The following NUP214 variants were observed in gnomAD, a reference collection of about 807,000 sequenced individuals.
NUP214 encodes the protein nucleoporin 214, also known as nuclear pore complex protein Nup214.
In NUP214, 79 loss-of-function variants were observed where a neutral mutation model predicts 196.2. The ratio of observed to expected loss-of-function variants is 0.40; its 90% CI spans 0.34 to 0.49. NUP214 has a LOEUF of 0.49. Among genes scored for constraint, NUP214 ranks in the 20% least tolerant of loss-of-function variants. NUP214 has a pLI of 0.58. For synonymous variants in NUP214, 1,020 were observed against 990.5 expected (o/e 1.03, Z -0.56); for missense variants, 2,468 against 2,539.0 (o/e 0.97, Z 0.60).
At chr9:131,230,491 G>C (rs1834843811) in intron 33 of NUP214, 139 bp from the exon 34 acceptor site, 7 of 956,478 alleles carry the variant, frequency 7.3e-6, no homozygotes, top group African/African-American at 3.3e-5. Flanking sequence ...TCTCTGAAAG[G>C]CTGCTAGTTA....
rs1161254325 is a variant in NUP214 at position 131,228,216 on chromosome 9, G to A, written c.5959G>A (p.Gly1987Arg). The A allele has an allele frequency of 1.9e-6, 3 of 1,604,668 alleles. No homozygotes were observed. In the South Asian group the frequency reaches 3.3e-5, roughly 18 times the overall value. ...CCCTCCTACTTTTGGGGGATCCCCT[G>A]GGTTTGGAGGGGTGCCAGCATTCGG... Reference protein sequence around the residue: ...GSPPTFGGSPGFGGVPAFGSA... With the variant: ...GSPPTFGGSPRFGGVPAFGSA... The change falls in exon 33 of 36, where the codon GGG (glycine) becomes AGG (arginine). Residue 1987 changes from glycine (G) to arginine (R), a missense_variant. Gly to Arg is a moderately radical substitution (Grantham distance 125). Coordinates refer to ENST00000359428, the MANE Select transcript of NUP214 (RefSeq NM_005085.4).
intron 30 of NUP214, among the ~76,000 whole-genome samples, chr9:131,213,330 C>G (rs955104615): frequency 6.6e-6 from 1 of 152,122 alleles, no homozygotes; most frequent in Non-Finnish European, 1.5e-5. Context: ...AATGCACCAC[C>G]ACGCCCAGCT....
At chr9:131,230,450 A>T in intron 33 of NUP214, 180 bp from the exon 34 acceptor site, 1 of 634,264 alleles carries the variant, frequency 1.6e-6, no homozygotes, top group South Asian at 2.0e-5. Flanking sequence ...TAGAGCAGAG[A>T]TAAAAGTTGG....
At chr9:131,130,644 A>G in intron 4 of NUP214, 122 bp from the exon 5 acceptor site, 2 of 884,542 alleles carry the variant, frequency 2.3e-6, no homozygotes, top group Non-Finnish European at 3.6e-6. Flanking sequence ...CCTGATAGAG[A>G]TGATCCTACA....
chr9:131,198,714 A>T lies in NUP214; in HGVS notation c.5220A>T (p.Ala1740=). ...TTGGGCAGTCGGCGAGCAGTGCTGCAAGTGTCTTTTCCTTCAGTCAGCCTG... is the reference window on the plus strand; with the variant it reads ...TTGGGCAGTCGGCGAGCAGTGCTGCTAGTGTCTTTTCCTTCAGTCAGCCTG... The part of the protein sequence containing the change: ...SVFGQSASSA[A]SVFSFSQPGF... The change falls in exon 29 of 36, where the codon GCA becomes GCT. Residue 1740 remains alanine (A), a synonymous_variant. Transcript: ENST00000359428. 6.2e-7 allele frequency: 1 copy of T among 1,614,166 alleles called. No individual in the cohort carries two copies. Among genetic ancestry groups the T allele is most frequent in the South Asian group, 1.1e-5 (1 of 91,086 alleles).
At position 131,174,084 on chromosome 9, in the gene NUP214, C is replaced by G. The variant is rs2130999273; in HGVS notation, c.2923C>G (p.Gln975Glu). 1 of 1,613,422 alleles carries G rather than the reference C, an allele frequency of 6.2e-7. No individual in the cohort carries two copies. The highest frequency in any genetic ancestry group is 1.3e-5 in the African/African-American group (1 of 74,954). Residue 975 changes from glutamine to glutamate, a missense_variant, in exon 22 of 36, where the codon CAG becomes GAG. Gln to Glu is a conservative substitution (Grantham distance 29, BLOSUM62 2). This residue lies in a region of NUP214 where 1,801 missense variants were observed against 1,779.4 expected (regional missense o/e 1.01). Coordinates refer to ENST00000359428, the MANE Select transcript of NUP214 (RefSeq NM_005085.4). ...CCTGTCTCGATCAGCCTTTCTGTCT[C>G]AGAGATATTATGAAGACTTGGATGA... ...ASLSRSAFLS[Q>E]RYYEDLDEVS...
chr9:131,201,575 A>G lies in NUP214; in HGVS notation c.5522-72A>G, dbSNP rs904004858. ...CGAGACTCTGCCTCAAAAAAAAAAA[A>G]CAACAAAACTTTAATGTTGTAAAAG... On this transcript the variant is annotated intron_variant, in intron 29 of 35. Transcript: ENST00000359428. 5.5e-6 allele frequency: 7 copies of G among 1,282,872 alleles called. No individual in the cohort carries two copies. The African/African-American group carries it at 1.1e-4, about 19-fold the overall frequency. 79.5% of individuals were successfully genotyped at this position (1,282,872 alleles called of 1,614,324 possible).
Position 131,228,367 on chromosome 9 carries a change from C to T in NUP214, c.6074+36C>T, listed in dbSNP as rs368907628. ...TGGGGAGGGCCCTTGGGAACCCACA[C>T]GCCAGCCAAAAAGCACTAGGGGCCT... On this transcript the variant is annotated intron_variant, in intron 33 of 35. Coordinates refer to ENST00000359428, the MANE Select transcript of NUP214 (RefSeq NM_005085.4). The T allele has an allele frequency of 7.8e-5, 121 of 1,548,262 alleles. No homozygotes were observed. In the African/African-American group the frequency reaches 1.4e-3, roughly 18 times the overall value.
chr9:131,141,888 T>C (rs1215029064), intron 11 of NUP214: 1 of 152,242 alleles, frequency 6.6e-6, no homozygotes, highest in East Asian at 1.9e-4. Flanking sequence ...TTTTCTTCTA[T>C]TATGACCAGT....
At position 131,219,142 on chromosome 9, in the gene NUP214, G is replaced by A. The variant is rs542238133; in HGVS notation, c.5750-3636G>A. ...GCTGTGTGCCAGAAGCTCAATGCAC[G>A]TGAGCTAACCACTTCTTACAACAGT... On this transcript the variant is annotated intron_variant, in intron 31 of 35. Transcript: ENST00000359428. 4.9e-4 allele frequency among the ~76,000 whole-genome samples: 75 copies of A among 152,218 alleles called. 1 individual carries two copies. The highest frequency in any genetic ancestry group is 1.4e-3 in the African/African-American group (57 of 41,526).
rs1832224625 is a variant in NUP214, at chr9:131,150,483, G to A, written c.2127+73G>A. ...TGGATGGGTCAGAGTGCCAACCCCT[G>A]TATGACTAGTTAGTTCATTCTAGCG... On this transcript the variant is annotated intron_variant, in intron 15 of 35. Coordinates refer to ENST00000359428, the MANE Select transcript of NUP214 (RefSeq NM_005085.4). The A allele has an allele frequency of 3.2e-6, 5 of 1,574,360 alleles. No individual in the cohort carries two copies. The African/African-American group carries it at 4.0e-5, about 13-fold the overall frequency.
rs1425921235 is a variant in NUP214, at chr9:131,163,160, A to C, written c.2710A>C (p.Ser904Arg). The change falls in exon 19 of 36, where the codon AGC (serine) becomes CGC (arginine). Residue 904 changes from serine to arginine, a missense_variant. Coordinates refer to ENST00000359428, the MANE Select transcript of NUP214 (RefSeq NM_005085.4). ...CCTGTCCTCGGCTGTTCCTTCCCAG[A>C]GCAGCATTCACAGGTGTGGAGAGGA... is the stretch of plus-strand genomic sequence containing the variant. ...WSLSSAVPSQ[S>R]SIHSFDSDLE... 1 of 1,611,612 alleles carries C rather than the reference A, an allele frequency of 6.2e-7. No homozygotes were observed. The highest frequency in any genetic ancestry group is 1.3e-5 in the African/African-American group (1 of 74,752).
rs534432511 is a variant in NUP214, at chr9:131,160,838, C to T, written c.2540+1352C>T. Reference sequence around the variant, plus strand: ...GAGATAGAAGTGAGAAGCTCTCCTCCGCCACTATCTAAGGGGAGAATTCTG... The same window carrying T: ...GAGATAGAAGTGAGAAGCTCTCCTCTGCCACTATCTAAGGGGAGAATTCTG... On this transcript the variant is annotated intron_variant, in intron 18 of 35. Coordinates refer to ENST00000359428, the MANE Select transcript of NUP214 (RefSeq NM_005085.4). Among the ~76,000 whole-genome samples the T allele has an allele frequency of 3.3e-5, 5 of 152,298 alleles. No homozygotes were observed. In the South Asian group the frequency reaches 8.3e-4, roughly 25 times the overall value.
At chr9:131,129,862 G>A (rs1461506268) in intron 4 of NUP214, among the ~76,000 whole-genome samples, 3 of 151,828 alleles carry the variant, frequency 2.0e-5, no homozygotes, top group East Asian at 3.9e-4. Context: ...CCTCCACCCC[G>A]CATATGCTAG....
intron 30 of NUP214, among the ~76,000 whole-genome samples, chr9:131,205,731 G>C (rs963424771): frequency 6.6e-6 from 1 of 152,160 alleles, no homozygotes; most frequent in Non-Finnish European, 1.5e-5. Flanking sequence ...GCCTTACTCT[G>C]TTGCCCAGGC....
At chr9:131,150,861 AC>A in intron 16 of NUP214, 96 bp downstream of exon 16, 1 of 1,215,298 alleles carries the variant, frequency 8.2e-7, no homozygotes, top group Non-Finnish European at 1.1e-6. Flanking sequence ...TTCTTCAAGG[AC>A]CACCAGTGTT....
chr9:131,199,691 T>C (rs1833891707), intron 29 of NUP214, among the ~76,000 whole-genome samples: 1 of 152,260 alleles, frequency 6.6e-6, no homozygotes, highest in Non-Finnish European at 1.5e-5. Flanking sequence ...TTTGAAAATC[T>C]GTCCTGAGAT....
At chr9:131,200,405 A>C (rs1193211938) in intron 29 of NUP214, among the ~76,000 whole-genome samples, 2 of 152,156 alleles carry the variant, frequency 1.3e-5, no homozygotes, top group African/African-American at 2.4e-5. Flanking sequence ...GTAAAACCCC[A>C]TCTCTACTAA....
chr9:131,168,929 C>T (rs954677679), intron 21 of NUP214, among the ~76,000 whole-genome samples: 1 of 152,100 alleles, frequency 6.6e-6, no homozygotes, highest in Non-Finnish European at 1.5e-5. Flanking sequence ...AGCACTACTG[C>T]CACACTGCCT....
Sources: gnomAD v4.1 joint callset for allele counts (sites outside exome capture counted in the v4.1 genomes callset) on GRCh38, gnomAD v4.1.1 for gene constraint, gnomAD v4.1.1 regional missense constraint, MANE v1.5 for transcripts, NCBI Gene and HGNC (gene_info 2026-07-23, HGNC 2026-07-21) for gene names.